Variants in CCDC7 observed in about 807,000 individuals in gnomAD.
The protein encoded by CCDC7 is coiled-coil domain containing 7, also known as coiled-coil domain-containing protein 7.
Under a neutral mutation model 196.9 loss-of-function variants are expected in CCDC7, and 183 were observed. The ratio of observed to expected loss-of-function variants is 0.93; its 90% CI spans 0.82 to 1.05. CCDC7 has a LOEUF of 1.05. CCDC7 is among the 50% of genes least tolerant of loss of function. The pLI is 0.00. For synonymous variants in CCDC7, 525 were observed against 484.6 expected (o/e 1.08, Z -1.10); for missense variants, 1,540 against 1,482.2 (o/e 1.04, Z -0.64).
chr10:32,573,381 T>C (rs1056206881), intron 16 of CCDC7, among the ~76,000 whole-genome samples: 2 of 152,226 alleles, frequency 1.3e-5, no homozygotes, highest in Non-Finnish European at 2.9e-5. Flanking sequence ...ATAGGCTCTT[T>C]GTACATTGGT....
intron 20 of CCDC7, among the ~76,000 whole-genome samples, chr10:32,636,672 A>G (rs1195070586): frequency 6.6e-6 from 1 of 152,220 alleles, no homozygotes; most frequent in Admixed American, 6.5e-5. Context: ...TATTGTGAAT[A>G]GTGCCGCAAT....
At chr10:32,631,714 G>A (rs2064891931) in intron 18 of CCDC7, among the ~76,000 whole-genome samples, 1 of 150,556 alleles carries the variant, frequency 6.6e-6, no homozygotes, top group East Asian at 1.9e-4. Context: ...TAGGGATTAA[G>A]TCAAATCTGT....
In CCDC7 at chr10:32,728,783, A is replaced by T. The variant is rs1308503185; in HGVS notation, c.2669-104A>T. The T allele has an allele frequency of 1.0e-5, 6 of 572,674 alleles. No homozygotes were observed. In the East Asian group the frequency reaches 1.9e-4, roughly 18 times the overall value. The allele number at this position is 572,674 out of a possible 1,614,324, so 35.5% of individuals were successfully genotyped here. ...CTATTTTTGTGTCAGATCTAGCATT[A>T]TGGTAATTTACTTATAACTTTATAA... On this transcript the variant is annotated intron_variant, in intron 26 of 41. Coordinates refer to ENST00000639629, the Ensembl canonical transcript of CCDC7.
chr10:32,818,283 G>A (rs2089286300), intron 31 of CCDC7, among the ~76,000 whole-genome samples: 1 of 152,170 alleles, frequency 6.6e-6, no homozygotes, highest in Non-Finnish European at 1.5e-5. Flanking sequence ...AACAAGAAGA[G>A]CTAACTATCC....
At position 32,765,673 on chromosome 10, in the gene CCDC7, G is replaced by C. The variant is rs1022277039; in HGVS notation, c.2906-13304G>C. Among the ~76,000 whole-genome samples, 4 of 152,136 alleles carry C rather than the reference G, an allele frequency of 2.6e-5. No individual in the cohort carries two copies. The East Asian group carries it at 7.7e-4, about 29-fold the overall frequency. ...AGGACTTGAAAAATGTAGAGGTTGT[G>C]ATTTCAACCACATCCTTCAACTCAC... is the stretch of plus-strand genomic sequence containing the variant. On this transcript the variant is annotated intron_variant, in intron 28 of 41. Transcript: ENST00000639629.
At chr10:32,494,124 C>T (rs2042547735) in intron 9 of CCDC7, among the ~76,000 whole-genome samples, 1 of 152,114 alleles carries the variant, frequency 6.6e-6, no homozygotes. Context: ...AGACCAATGT[C>T]AAGAAGTTTT....
intron 13 of CCDC7, among the ~76,000 whole-genome samples, chr10:32,560,940 G>T (rs1438097637): frequency 4.0e-5 from 6 of 151,882 alleles, no homozygotes; most frequent in Non-Finnish European, 4.4e-5. Flanking sequence ...CACATGCAGA[G>T]ACACACAGGC....
chr10:32,574,764 A>G (rs561393320), intron 16 of CCDC7, among the ~76,000 whole-genome samples: 56 of 152,314 alleles, frequency 3.7e-4, no homozygotes, highest in African/African-American at 1.1e-3. Context: ...TACACAGTCA[A>G]CCTAGTTCTT....
At chr10:32,595,974 A>G (rs376810040) in intron 18 of CCDC7, among the ~76,000 whole-genome samples, 2 of 152,276 alleles carry the variant, frequency 1.3e-5, no homozygotes, top group Admixed American at 6.5e-5. Flanking sequence ...TATGTGGTCA[A>G]TTTTGGAATA....
chr10:32,789,941 C>T (rs1279403198), intron 29 of CCDC7, among the ~76,000 whole-genome samples: 1 of 152,172 alleles, frequency 6.6e-6, no homozygotes, highest in African/African-American at 2.4e-5. Flanking sequence ...AGGAAAGCAA[C>T]GTTAAATCTT....
Position 32,487,770 on chromosome 10 carries a change from G to A in CCDC7, c.797-4152G>A, listed in dbSNP as rs1243580968. On this transcript the variant is annotated intron_variant, in intron 8 of 41. Coordinates refer to ENST00000639629, the Ensembl canonical transcript of CCDC7. ...GTCCACTCCAGACCCTGTTTGCCTG[G>A]GTATCAGCAGCGGAGGCTGCAGAAC... 2.0e-5 allele frequency among the ~76,000 whole-genome samples: 3 copies of A among 152,168 alleles called. No individual in the cohort carries two copies. In the East Asian group the frequency reaches 5.8e-4, roughly 29 times the overall value.
At chr10:32,523,173 T>G (rs1160005963) in intron 11 of CCDC7, among the ~76,000 whole-genome samples, 1 of 152,234 alleles carries the variant, frequency 6.6e-6, no homozygotes, top group African/African-American at 2.4e-5. Flanking sequence ...TATCTGTTAG[T>G]TCCATTTGTT....
chr10:32,775,886 G>A (rs1051286719), intron 28 of CCDC7, among the ~76,000 whole-genome samples: 4 of 151,362 alleles, frequency 2.6e-5, no homozygotes, highest in Non-Finnish European at 5.9e-5. Flanking sequence ...CAACCCAAAT[G>A]TCCAACAATG....
chr10:32,869,206 T>A (rs1190704677), intron 41 of CCDC7, among the ~76,000 whole-genome samples: 1 of 152,170 alleles, frequency 6.6e-6, no homozygotes, highest in African/African-American at 2.4e-5. Flanking sequence ...GTGTTCTTAT[T>A]TCTCCACATC....
At chr10:32,846,080 T>C in intron 36 of CCDC7, 121 bp downstream of exon 37, 5 of 797,032 alleles carry the variant, frequency 6.3e-6, no homozygotes, top group Non-Finnish European at 1.1e-5. Context: ...TAGCAAAAGA[T>C]GCTATTGGAA....
chr10:32,783,324 C>A (rs2081335611), intron 29 of CCDC7, among the ~76,000 whole-genome samples: 1 of 152,160 alleles, frequency 6.6e-6, no homozygotes, highest in African/African-American at 2.4e-5. Context: ...AAAAACTCAA[C>A]TCCATTTAAA....
chr10:32,623,593 C>A, intron 18 of CCDC7: 1 of 385,866 alleles, frequency 2.6e-6, no homozygotes, highest in East Asian at 7.5e-5. Context: ...GTTGCCTTAC[C>A]TCAATAAATA....
chr10:32,569,458 C>T lies in CCDC7; in HGVS notation c.1419+1567C>T, dbSNP rs540825372. Among the ~76,000 whole-genome samples the T allele has an allele frequency of 4.0e-5, 6 of 151,888 alleles. No homozygotes were observed. The South Asian group carries it at 1.2e-3, about 31-fold the overall frequency. The stretch of plus-strand genomic sequence containing the variant: ...TTTCATTTTTTGAGATGGAGTTTCT[C>T]TTTTATTGCCCAGGCCAGAGTGCAA... On this transcript the variant is annotated intron_variant, in intron 15 of 41. Transcript: ENST00000639629.
At chr10:32,653,468 C>T (rs1038961596) in intron 20 of CCDC7, among the ~76,000 whole-genome samples, 1 of 152,168 alleles carries the variant, frequency 6.6e-6, no homozygotes, top group Non-Finnish European at 1.5e-5. Flanking sequence ...ACTTTCTGCT[C>T]TCTTCAATGA....
Sources: gnomAD v4.1 joint callset for allele counts (sites outside exome capture counted in the v4.1 genomes callset) on GRCh38, gnomAD v4.1.1 for gene constraint, MANE v1.5 for transcripts, NCBI Gene and HGNC (gene_info 2026-07-23, HGNC 2026-07-21) for gene names.